Variants in POLA1 observed in about 807,000 individuals in gnomAD.
POLA1 encodes DNA polymerase alpha catalytic subunit.
POLA1 carries 15 observed loss-of-function variants against 124.0 expected under a neutral mutation model. That is an observed-to-expected ratio of 0.12 (90% CI 0.08 to 0.19). The LOEUF is 0.19. POLA1 is among the 10% of genes least tolerant of loss of function. POLA1 has a pLI of 1.00. For synonymous variants in POLA1, 408 were observed against 389.4 expected, an observed-to-expected ratio of 1.05 and a Z score of -0.56; for missense variants, 886 against 1,103.4, an observed-to-expected ratio of 0.80 and a Z score of 2.79.
At chrX:24,971,902 G>GA (rs1352998923) in intron 36 of POLA1, among the ~76,000 whole-genome samples, 1 of 109,976 alleles carries the variant, frequency 9.1e-6, no homozygotes, top group Admixed American at 9.7e-5. Flanking sequence ...ATGGAGGGGG[G>GA]ATTTCATGAA....
chrX:24,986,845 C>G (rs1025193456), intron 36 of POLA1, among the ~76,000 whole-genome samples: 3 of 110,819 alleles, frequency 2.7e-5, no homozygotes, highest in Non-Finnish European at 3.8e-5. Flanking sequence ...ATTTCTCCCC[C>G]ACTCTTAGGT....
At chrX:24,729,958 C>T (rs1469775472) in intron 15 of POLA1, among the ~76,000 whole-genome samples, 5 of 110,283 alleles carry the variant, frequency 4.5e-5, no homozygotes, top group African/African-American at 1.7e-4. Flanking sequence ...GTGCGGGCCA[C>T]TACACATGGT....
chrX:24,934,451 T>G (rs2047822774), intron 36 of POLA1, among the ~76,000 whole-genome samples: 1 of 111,904 alleles, frequency 8.9e-6, no homozygotes, highest in Non-Finnish European at 1.9e-5. Context: ...GGTGAAATTA[T>G]TTTGGAAGCA....
At chrX:24,953,637 A>G (rs929552342) in intron 36 of POLA1, among the ~76,000 whole-genome samples, 1 of 111,709 alleles carries the variant, frequency 9.0e-6, no homozygotes, top group African/African-American at 3.3e-5. Context: ...AGGGAAAGTA[A>G]CAGAAGATCA....
At position 24,693,922 on chromosome X, in the gene POLA1, G is replaced by A; in HGVS notation, c.-40G>A. Reference sequence around the variant, plus strand: ...GGCGCCTGTCTCGGCCCCCGCGCCAGTTTTGGGCTGGTTGGCGCGGAATCG... The same window carrying A: ...GGCGCCTGTCTCGGCCCCCGCGCCAATTTTGGGCTGGTTGGCGCGGAATCG... On this transcript the variant is annotated 5_prime_UTR_variant, in exon 1 of 37. Transcript: ENST00000379068. 3.4e-6 allele frequency: 4 copies of A among 1,174,699 alleles called. No individual in the cohort carries two copies. The highest frequency in any genetic ancestry group is 1.8e-5 in the African/African-American group (1 of 56,970).
At chrX:24,866,110 T>C (rs1370628074) in intron 34 of POLA1, among the ~76,000 whole-genome samples, 2 of 112,280 alleles carry the variant, frequency 1.8e-5, no homozygotes, top group African/African-American at 3.2e-5. Context: ...TTACTATTAT[T>C]GATTGAAGAT....
intron 11 of POLA1, among the ~76,000 whole-genome samples, chrX:24,724,094 G>C (rs1172299560): frequency 8.9e-6 from 1 of 112,562 alleles, no homozygotes; most frequent in East Asian, 2.8e-4. Flanking sequence ...CTTCCATTTT[G>C]TAGACTTGAT....
At chrX:24,939,657 G>A (rs183216534) in intron 36 of POLA1, among the ~76,000 whole-genome samples, 200 of 111,745 alleles carry the variant, frequency 1.8e-3, no homozygotes, top group Admixed American at 3.1e-3. Context: ...TTAGTTTAGA[G>A]CTGGAACTCA....
chrX:24,817,935 ATT>A (rs747221901), intron 30 of POLA1, among the ~76,000 whole-genome samples: 21 of 81,481 alleles, frequency 2.6e-4, no homozygotes, highest in Admixed American at 1.4e-4. Flanking sequence ...TCATGACAAT[ATT>A]TTTTTTTTTT....
rs746915880 is a variant in POLA1, at chrX:24,783,798, C to G, written c.2965-26100C>G. 2.7e-5 allele frequency among the ~76,000 whole-genome samples: 3 copies of G among 111,736 alleles called. No individual in the cohort carries two copies. In the East Asian group the frequency reaches 8.4e-4, roughly 31 times the overall value. ...TTTGCACCGTCCAGTATGGTAGCCACTAGCCACAGGTGGCTATTTAAATAA... is the reference window on the plus strand; with the variant it reads ...TTTGCACCGTCCAGTATGGTAGCCAGTAGCCACAGGTGGCTATTTAAATAA... On this transcript the variant is annotated intron_variant, in intron 26 of 36. Transcript: ENST00000379068.
intron 36 of POLA1, among the ~76,000 whole-genome samples, chrX:24,942,148 C>T (rs760369059): frequency 8.9e-6 from 1 of 112,128 alleles, no homozygotes; most frequent in Non-Finnish European, 1.9e-5. Flanking sequence ...TTATAGGACT[C>T]TACTTTTGTG....
intron 36 of POLA1, among the ~76,000 whole-genome samples, chrX:24,951,561 C>T (rs1234899727): frequency 2.7e-5 from 3 of 110,042 alleles, no homozygotes; most frequent in Admixed American, 9.8e-5. Flanking sequence ...TTCATCTTCC[C>T]GCCCCACTTC....
chrX:24,719,914 AATTG>A (rs1469517220), intron 10 of POLA1, among the ~76,000 whole-genome samples: 1 of 109,821 alleles, frequency 9.1e-6, no homozygotes, highest in Non-Finnish European at 1.9e-5. Flanking sequence ...CCAGCCTCCT[AATTG>A]ATCTCTTAGC....
intron 32 of POLA1, among the ~76,000 whole-genome samples, chrX:24,829,229 G>A (rs1193171042): frequency 1.8e-5 from 2 of 111,658 alleles, no homozygotes; most frequent in African/African-American, 3.3e-5. Flanking sequence ...CCTTCTTGGT[G>A]CCATGTAGCC....
At chrX:24,849,207 C>CAA (rs1051315893) in intron 34 of POLA1, among the ~76,000 whole-genome samples, 14 of 112,572 alleles carry the variant, frequency 1.2e-4, no homozygotes, top group Non-Finnish European at 2.3e-4. Flanking sequence ...CAAAGGCATA[C>CAA]AAAGAAGCAA....
intron 35 of POLA1, among the ~76,000 whole-genome samples, chrX:24,908,286 G>C (rs980715528): frequency 3.7e-5 from 4 of 109,162 alleles, no homozygotes; most frequent in Admixed American, 9.8e-5. Context: ...CGTGTACAAC[G>C]TGCAGGTTTG....
rs1220174086 is a variant in POLA1 at position 24,951,348 on chromosome X, C to T, written c.4261+20799C>T. Among the ~76,000 whole-genome samples, 15 of 55,833 alleles carry T rather than the reference C, an allele frequency of 2.7e-4. 1 individual carries two copies. Among genetic ancestry groups the T allele is most frequent in the African/African-American group, 8.8e-4 (12 of 13,570 alleles). 48.5% of individuals were successfully genotyped at this position (55,833 alleles called of 115,157 possible). ...CTTTCTTTAAACACCTCCCTACCCCCCCCCCCCCCCACCAAATGCAGACGA... is the reference window on the plus strand; with the variant it reads ...CTTTCTTTAAACACCTCCCTACCCCTCCCCCCCCCCACCAAATGCAGACGA... On this transcript the variant is annotated intron_variant, in intron 36 of 36. Transcript: ENST00000379068.
intron 26 of POLA1, chrX:24,788,773 A>G (rs371683052): frequency 1.3e-5 from 16 of 1,202,533 alleles, no homozygotes; most frequent in Non-Finnish European, 1.8e-5. Flanking sequence ...GGTCAATGTC[A>G]TCATCATCTT....
intron 26 of POLA1, among the ~76,000 whole-genome samples, chrX:24,793,234 G>A (rs1399566082): frequency 3.6e-5 from 3 of 84,325 alleles, no homozygotes; most frequent in African/African-American, 9.9e-5. Context: ...CCAAGATCGC[G>A]CCATTGCACT....
Sources: allele counts gnomAD v4.1 joint callset (sites outside exome capture counted in the v4.1 genomes callset), GRCh38; gene constraint gnomAD v4.1.1; transcripts MANE v1.5; gene names NCBI Gene and HGNC (gene_info 2026-07-23, HGNC 2026-07-21).